IGSF21: variants seen among roughly 807,000 people sequenced by gnomAD.
IGSF21 encodes the protein immunoglobin superfamily member 21, also known as immunoglobulin superfamily member 21.
IGSF21 carries 28 observed loss-of-function variants against 46.8 expected under a neutral mutation model. The ratio of observed to expected loss-of-function variants is 0.60; its 90% CI spans 0.44 to 0.82. IGSF21 has a LOEUF of 0.82. Ranked by LOEUF, IGSF21 falls within the 40% of genes least tolerant of loss-of-function variation. IGSF21 has a pLI of 0.00. For synonymous variants in IGSF21, 284 were observed against 273.6 expected, an observed-to-expected ratio of 1.04 and a Z score of -0.38; for missense variants, 624 against 665.5, an observed-to-expected ratio of 0.94 and a Z score of 0.69.
At chr1:18,148,797 A>G (rs1453168677) in intron 1 of IGSF21, among the ~76,000 whole-genome samples, 1 of 152,222 alleles carries the variant, frequency 6.6e-6, no homozygotes, top group Non-Finnish European at 1.5e-5. Context: ...ACACAGGGAA[A>G]TAAAAATAAG....
chr1:18,324,630 G>C (rs937155954), intron 3 of IGSF21, among the ~76,000 whole-genome samples: 5 of 152,230 alleles, frequency 3.3e-5, no homozygotes, highest in African/African-American at 1.2e-4. Context: ...GTTAAGACCA[G>C]ACTCTTCTGG....
At chr1:18,219,702 T>C (rs1221043441) in intron 1 of IGSF21, among the ~76,000 whole-genome samples, 4 of 152,170 alleles carry the variant, frequency 2.6e-5, no homozygotes, top group East Asian at 1.9e-4. Flanking sequence ...CATCACATCA[T>C]TGTAGGGCCT....
At chr1:18,224,463 C>T (rs1204894516) in intron 1 of IGSF21, among the ~76,000 whole-genome samples, 1 of 152,188 alleles carries the variant, frequency 6.6e-6, no homozygotes, top group African/African-American at 2.4e-5. Flanking sequence ...CCTTCTATCA[C>T]TTCACTCTGC....
chr1:18,352,098 T>C (rs1040099311), intron 4 of IGSF21, among the ~76,000 whole-genome samples: 4 of 152,318 alleles, frequency 2.6e-5, no homozygotes, highest in African/African-American at 9.6e-5. Context: ...TTTGATCCAA[T>C]CAGCGTATAG....
Position 18,243,310 on chromosome 1 carries a change from T to A in IGSF21, c.183+15300T>A, listed in dbSNP as rs186098964. Among the ~76,000 whole-genome samples, 125 of 152,200 alleles carry A rather than the reference T, an allele frequency of 8.2e-4. 1 individual carries two copies. Among genetic ancestry groups the A allele is most frequent in the Admixed American group, 6.6e-3 (101 of 15,294 alleles). ...TCCACCTCAGCGAACGGCATCACCA[T>A]CCACCAGTTTCCGAAGCGAAAAATC... On this transcript the variant is annotated intron_variant, in intron 2 of 9. Transcript: ENST00000251296.
intron 1 of IGSF21, among the ~76,000 whole-genome samples, chr1:18,159,071 C>T (rs2086593450): frequency 6.6e-6 from 1 of 152,200 alleles, no homozygotes; most frequent in Non-Finnish European, 1.5e-5. Flanking sequence ...TTGGTCGCCT[C>T]TCTGCCCATC....
chr1:18,274,116 C>T (rs141950165), intron 2 of IGSF21, among the ~76,000 whole-genome samples: 2 of 152,242 alleles, frequency 1.3e-5, no homozygotes, highest in Admixed American at 6.5e-5. Context: ...GTTTCTTTAC[C>T]CCATTATTAT....
At chr1:18,273,063 T>C (rs2085058698) in intron 2 of IGSF21, among the ~76,000 whole-genome samples, 1 of 148,440 alleles carries the variant, frequency 6.7e-6, no homozygotes, top group Non-Finnish European at 1.5e-5. Flanking sequence ...TTTTTTTTTT[T>C]TAGATGGAGT....
intron 5 of IGSF21, among the ~76,000 whole-genome samples, chr1:18,363,439 G>A (rs2086124452): frequency 6.6e-6 from 1 of 151,344 alleles, no homozygotes; most frequent in Non-Finnish European, 1.5e-5. Context: ...GTAAGCAGGT[G>A]CACAGAGACA....
intron 9 of IGSF21, 72 bp from the exon 10 acceptor site, chr1:18,378,184 C>A: frequency 1.9e-5 from 24 of 1,271,992 alleles, no homozygotes; most frequent in Non-Finnish European, 2.6e-5. Flanking sequence ...TTGTTGGGGA[C>A]CTGGAGGCTC....
intron 6 of IGSF21, among the ~76,000 whole-genome samples, chr1:18,371,529 G>A (rs969326311): frequency 1.0e-4 from 15 of 149,318 alleles, no homozygotes; most frequent in East Asian, 2.0e-4. Flanking sequence ...CTGAGATTGC[G>A]CCACTGCACT....
Position 18,108,100 on chromosome 1 carries a change from C to T in IGSF21, c.-29C>T. 1 of 1,200,800 alleles carries T rather than the reference C, an allele frequency of 8.3e-7. No homozygotes were observed. Among genetic ancestry groups the T allele is most frequent in the South Asian group, 1.6e-5 (1 of 61,538 alleles). The allele number at this position is 1,200,800 out of a possible 1,614,324, so 74.4% of individuals were successfully genotyped here. A position where few individuals can be genotyped will look rare whatever the true frequency, so the allele number is the denominator to read the frequency against. ...CCGCCACCGCCTCCACCCCCGCCGC[C>T]CCGCCACCGCCGCCAGCTCCCGGGC... On this transcript the variant is annotated 5_prime_UTR_variant, in exon 1 of 10. Transcript: ENST00000251296.
At chr1:18,362,074 C>T (rs865885837) in intron 4 of IGSF21, 41 bp from the exon 5 acceptor site, 1 of 1,391,262 alleles carries the variant, frequency 7.2e-7, no homozygotes, top group South Asian at 1.2e-5. Flanking sequence ...CCTGAATCTC[C>T]CAGTTGAGCC....
At chr1:18,108,628 G>A (rs942789352) in intron 1 of IGSF21, among the ~76,000 whole-genome samples, 2 of 151,788 alleles carry the variant, frequency 1.3e-5, no homozygotes, top group South Asian at 2.1e-4. Flanking sequence ...AGCGAATGTT[G>A]GGGGGAGGGT....
rs143319953 is a variant in IGSF21, at chr1:18,186,690, G to C, written c.71-41208G>C. 6.3e-3 allele frequency among the ~76,000 whole-genome samples: 954 copies of C among 152,264 alleles called. 10 individuals are homozygous for C. The highest frequency in any genetic ancestry group is 0.021 in the African/African-American group (886 of 41,568). The stretch of plus-strand genomic sequence containing the variant: ...TTGGCTTCCCTTTTTTAAGAAAAAT[G>C]TTCAAAATCCTATAAAGAAGGACCT... On this transcript the variant is annotated intron_variant, in intron 1 of 9. Coordinates refer to ENST00000251296, the MANE Select transcript of IGSF21 (RefSeq NM_032880.5).
At chr1:18,287,643 C>T (rs561699365) in intron 2 of IGSF21, among the ~76,000 whole-genome samples, 2 of 152,320 alleles carry the variant, frequency 1.3e-5, no homozygotes, top group Non-Finnish European at 1.5e-5. Flanking sequence ...GCCCTGGCCT[C>T]GTGGTCCCTA....
intron 2 of IGSF21, among the ~76,000 whole-genome samples, chr1:18,255,679 T>C (rs1180267181): frequency 6.6e-6 from 1 of 152,104 alleles, no homozygotes; most frequent in Non-Finnish European, 1.5e-5. Flanking sequence ...CTCACACACA[T>C]TGAGAGTCAT....
At chr1:18,143,391 C>T (rs78221589) in intron 1 of IGSF21, among the ~76,000 whole-genome samples, 4,814 of 152,212 alleles carry the variant, frequency 0.032, 278 homozygotes, top group African/African-American at 0.11. Context: ...TAGACAGTCC[C>T]GCTGAGCTTC....
chr1:18,239,434 T>C (rs2084704317), intron 2 of IGSF21, among the ~76,000 whole-genome samples: 1 of 152,106 alleles, frequency 6.6e-6, no homozygotes, highest in Non-Finnish European at 1.5e-5. Context: ...TATCTGACCT[T>C]ACCACGACCA....
Sources: allele counts gnomAD v4.1 joint callset (sites outside exome capture counted in the v4.1 genomes callset), GRCh38; gene constraint gnomAD v4.1.1; transcripts MANE v1.5; gene names NCBI Gene and HGNC (gene_info 2026-07-23, HGNC 2026-07-21).